CALN1: variants seen among roughly 807,000 people sequenced by gnomAD.
CALN1 encodes calneuron 1, also known as calcium-binding protein 8.
CALN1 carries 17 observed loss-of-function variants against 30.6 expected under a neutral mutation model. The ratio of observed to expected loss-of-function variants is 0.56; its 90% CI spans 0.38 to 0.83. The LOEUF (loss-of-function observed/expected upper bound fraction) is 0.83, where lower values mean the gene tolerates loss of function less well. Ranked by LOEUF, CALN1 falls within the 40% of genes least tolerant of loss-of-function variation. The pLI is 0.00. For synonymous variants in CALN1, 156 were observed against 131.4 expected, an observed-to-expected ratio of 1.19 and a Z score of -1.28; for missense variants, 291 against 354.9, an observed-to-expected ratio of 0.82 and a Z score of 1.45.
At chr7:72,150,873 A>ATGATGATGATGG (rs1026976895) in intron 3 of CALN1, among the ~76,000 whole-genome samples, 2 of 63,360 alleles carry the variant, frequency 3.2e-5, no homozygotes, top group Non-Finnish European at 9.9e-5. Flanking sequence ...CTGTGATGAT[A>ATGATGATGATGG]TGATGATGAT....
At chr7:72,391,703 AGTTT>A (rs1053750898) in intron 2 of CALN1, among the ~76,000 whole-genome samples, 5 of 151,954 alleles carry the variant, frequency 3.3e-5, no homozygotes, top group African/African-American at 1.2e-4. Flanking sequence ...CCCCTGCACA[AGTTT>A]TTTTGTTTTT....
intron 2 of CALN1, among the ~76,000 whole-genome samples, chr7:72,397,075 TA>T (rs1284179742): frequency 6.6e-6 from 1 of 151,964 alleles, no homozygotes; most frequent in Non-Finnish European, 1.5e-5. Flanking sequence ...CGTGCCTGGT[TA>T]ATTTTTTTTA....
chr7:72,272,680 C>A (rs1797075147), intron 3 of CALN1, among the ~76,000 whole-genome samples: 2 of 152,124 alleles, frequency 1.3e-5, no homozygotes, highest in South Asian at 4.1e-4. Flanking sequence ...CAATTTCCAC[C>A]CACACTTGGA....
chr7:71,880,567 T>C (rs11976510), intron 5 of CALN1, among the ~76,000 whole-genome samples: 5,133 of 152,258 alleles, frequency 0.034, 270 homozygotes, highest in African/African-American at 0.11. Context: ...CATTTATTTC[T>C]TTAATCCAAT....
At chr7:72,208,838 G>C (rs1000847878) in intron 3 of CALN1, among the ~76,000 whole-genome samples, 1 of 152,192 alleles carries the variant, frequency 6.6e-6, no homozygotes, top group African/African-American at 2.4e-5. Context: ...TGAATACACA[G>C]TGTTAGAAGT....
chr7:72,314,946 A>G lies in CALN1; in HGVS notation c.120-36136T>C, dbSNP rs951805161. On this transcript the variant is annotated intron_variant, in intron 2 of 6. Transcript: ENST00000395275. ...GAGGATCACTTGAGGCCAGAGTTCA[A>G]GACCAGCCTCAGCACACAGTGAGAC... 2.2e-4 allele frequency among the ~76,000 whole-genome samples: 33 copies of G among 149,822 alleles called. 1 individual carries two copies. Among genetic ancestry groups the G allele is most frequent in the Admixed American group, 2.1e-3 (31 of 15,002 alleles).
At chr7:72,404,963 C>T (rs1366404226) in intron 1 of CALN1, among the ~76,000 whole-genome samples, 1 of 152,180 alleles carries the variant, frequency 6.6e-6, no homozygotes, top group Admixed American at 6.5e-5. Context: ...CATAAACCAA[C>T]TAGATGCTTT....
intron 5 of CALN1, among the ~76,000 whole-genome samples, chr7:71,890,375 G>GA (rs1793170309): frequency 1.3e-5 from 2 of 152,078 alleles, no homozygotes; most frequent in Non-Finnish European, 2.9e-5. Flanking sequence ...ATAAGGTGTG[G>GA]GACTAGTCCA....
At chr7:72,081,417 G>GTGTGTGTGTGTGTGTGTC (rs145997789) in intron 4 of CALN1, among the ~76,000 whole-genome samples, 44 of 146,288 alleles carry the variant, frequency 3.0e-4, no homozygotes, top group Middle Eastern at 3.5e-3. Flanking sequence ...GTGTGTGTGT[G>GTGTGTGTGTGTGTGTGTC]TGTGTGTTTG....
intron 5 of CALN1, among the ~76,000 whole-genome samples, chr7:71,974,450 G>GA (rs1798003471): frequency 8.1e-6 from 1 of 123,522 alleles, no homozygotes; most frequent in Non-Finnish European, 1.8e-5. Context: ...AAAGGAAAAA[G>GA]AAAAAGAAAA....
intron 2 of CALN1, among the ~76,000 whole-genome samples, chr7:72,330,714 G>A (rs1349411716): frequency 1.3e-5 from 2 of 152,156 alleles, no homozygotes; most frequent in African/African-American, 2.4e-5. Flanking sequence ...CAGATTTGTG[G>A]TGCATGAGAT....
rs866024853 is a variant in CALN1, at chr7:71,824,212, A to G, written c.502-13720T>C. ...AGCCAAGAGGTTGGATAATGTATGC[A>G]GAATACATGTTTTCTGAATGACTAA... On this transcript the variant is annotated intron_variant, in intron 5 of 6. Coordinates refer to ENST00000395275, the MANE Select transcript of CALN1 (RefSeq NM_031468.4). Among the ~76,000 whole-genome samples the G allele has an allele frequency of 4.6e-5, 7 of 151,434 alleles. No homozygotes were observed. The South Asian group carries it at 1.5e-3, about 32-fold the overall frequency.
intron 3 of CALN1, among the ~76,000 whole-genome samples, chr7:72,147,099 A>G (rs1454723574): frequency 6.6e-6 from 1 of 152,210 alleles, no homozygotes. Flanking sequence ...AATGGCAACA[A>G]AAGACAAAAT....
intron 3 of CALN1, among the ~76,000 whole-genome samples, chr7:72,277,515 T>C (rs887269897): frequency 6.6e-6 from 1 of 152,196 alleles, no homozygotes; most frequent in African/African-American, 2.4e-5. Flanking sequence ...ACTCCACTTC[T>C]TCAAACATCC....
intron 1 of CALN1, among the ~76,000 whole-genome samples, chr7:72,436,317 A>T (rs151060149): frequency 6.6e-6 from 1 of 152,338 alleles, no homozygotes; most frequent in African/African-American, 2.4e-5. Flanking sequence ...TCACGAGGTC[A>T]GATGGTTTTA....
At chr7:72,112,285 G>T (rs1260278087) in intron 3 of CALN1, among the ~76,000 whole-genome samples, 1 of 152,164 alleles carries the variant, frequency 6.6e-6, no homozygotes, top group African/African-American at 2.4e-5. Flanking sequence ...GAAATTTACA[G>T]TACTAATTTG....
At chr7:72,273,080 C>T (rs749590575) in intron 3 of CALN1, among the ~76,000 whole-genome samples, 9 of 151,540 alleles carry the variant, frequency 5.9e-5, no homozygotes, top group Non-Finnish European at 1.0e-4. Flanking sequence ...CCATGGGCTA[C>T]ATGAATGTCT....
intron 2 of CALN1, among the ~76,000 whole-genome samples, chr7:72,308,774 G>C (rs994573507): frequency 2.0e-4 from 31 of 152,220 alleles, no homozygotes; most frequent in Non-Finnish European, 1.3e-4. Flanking sequence ...ACAACCTCAA[G>C]GTCGGTGGGG....
chr7:72,321,775 T>C (rs1238473086), intron 2 of CALN1, among the ~76,000 whole-genome samples: 1 of 152,228 alleles, frequency 6.6e-6, no homozygotes, highest in Non-Finnish European at 1.5e-5. Flanking sequence ...CTCTGTCTCC[T>C]GATTCTCCCT....
Sources: allele counts gnomAD v4.1 joint callset (sites outside exome capture counted in the v4.1 genomes callset), GRCh38; gene constraint gnomAD v4.1.1; transcripts MANE v1.5; gene names NCBI Gene and HGNC (gene_info 2026-07-23, HGNC 2026-07-21).